RSU1: variants seen among roughly 807,000 people sequenced by gnomAD.
The protein encoded by RSU1 is Ras suppressor protein 1.
Under a neutral mutation model 31.1 loss-of-function variants are expected in RSU1, and 26 were observed. The ratio of observed to expected loss-of-function variants is 0.84; its 90% CI spans 0.61 to 1.16. The LOEUF (loss-of-function observed/expected upper bound fraction) is 1.16, where lower values mean the gene tolerates loss of function less well. Ranked by LOEUF, RSU1 falls within the 50% of genes most tolerant of loss-of-function variation. RSU1 has a pLI of 0.00. For missense variants in RSU1, 320 were observed against 339.1 expected, an observed-to-expected ratio of 0.94 and a Z score of 0.44; for synonymous variants, 164 against 136.3, an observed-to-expected ratio of 1.20 and a Z score of -1.41.
intron 8 of RSU1, among the ~76,000 whole-genome samples, chr10:16,638,736 T>C (rs933214498): frequency 3.9e-5 from 6 of 152,194 alleles, no homozygotes; most frequent in African/African-American, 7.2e-5. Flanking sequence ...GCTTCTGAAA[T>C]GCGAGGAGGC....
chr10:16,771,484 T>G (rs557653932), intron 3 of RSU1, among the ~76,000 whole-genome samples: 4 of 152,318 alleles, frequency 2.6e-5, no homozygotes, highest in African/African-American at 7.2e-5. Context: ...CTAGACTAAT[T>G]ACATACATGC....
chr10:16,598,819 A>T (rs1313297366), intron 8 of RSU1, among the ~76,000 whole-genome samples: 5 of 152,196 alleles, frequency 3.3e-5, no homozygotes, highest in African/African-American at 4.8e-5. Flanking sequence ...GTGTTAGAGC[A>T]ATAGAGAACT....
At chr10:16,604,281 TC>T (rs546210810) in intron 8 of RSU1, among the ~76,000 whole-genome samples, 20 of 152,134 alleles carry the variant, frequency 1.3e-4, no homozygotes, top group African/African-American at 4.3e-4. Context: ...CAGCCTTAAC[TC>T]CCAGACCAGT....
At chr10:16,775,933 G>A (rs1306847066) in intron 3 of RSU1, among the ~76,000 whole-genome samples, 1 of 152,196 alleles carries the variant, frequency 6.6e-6, no homozygotes, top group Non-Finnish European at 1.5e-5. Flanking sequence ...ACAGCAAGTT[G>A]TTTTGATATT....
chr10:16,758,549 C>T (rs952560369), intron 4 of RSU1, among the ~76,000 whole-genome samples: 4 of 152,148 alleles, frequency 2.6e-5, no homozygotes, highest in African/African-American at 9.7e-5. Flanking sequence ...AGCTGCGTGA[C>T]CTTCACCAAG....
chr10:16,787,358 A>T (rs1837811674), intron 2 of RSU1, among the ~76,000 whole-genome samples: 1 of 151,790 alleles, frequency 6.6e-6, no homozygotes, highest in Non-Finnish European at 1.5e-5. Flanking sequence ...CCTGATACTA[A>T]ACTCCATGCC....
At chr10:16,683,754 T>A (rs1242977631) in intron 8 of RSU1, among the ~76,000 whole-genome samples, 1 of 152,146 alleles carries the variant, frequency 6.6e-6, no homozygotes, top group Admixed American at 6.5e-5. Flanking sequence ...CGCAGCTTGG[T>A]TTCATGCATT....
At position 16,717,411 on chromosome 10, in the gene RSU1, T is replaced by C. The variant is rs1003104053; in HGVS notation, c.599-22256A>G. Among the ~76,000 whole-genome samples the C allele has an allele frequency of 3.9e-5, 6 of 152,166 alleles. No individual in the cohort carries two copies. In the East Asian group the frequency reaches 9.6e-4, roughly 24 times the overall value. On this transcript the variant is annotated intron_variant, in intron 7 of 8. Coordinates refer to ENST00000345264, the MANE Select transcript of RSU1 (RefSeq NM_012425.4). The stretch of plus-strand genomic sequence containing the variant: ...TCATGCTAAAAATAAACCAATCCAA[T>C]AGTTTTTAGGTTATATATTAACAAT...
At position 16,659,126 on chromosome 10, in the gene RSU1, G is replaced by C. The variant is rs139307693; in HGVS notation, c.731+35897C>G. Reference sequence around the variant, plus strand: ...GATACTAATCGGCTGTCAGCAATGTGTGTGTTGCAGACCACTTTTCTCAGT... The same window carrying C: ...GATACTAATCGGCTGTCAGCAATGTCTGTGTTGCAGACCACTTTTCTCAGT... On this transcript the variant is annotated intron_variant, in intron 8 of 8. Transcript: ENST00000345264. Among the ~76,000 whole-genome samples, 57 of 152,276 alleles carry C rather than the reference G, an allele frequency of 3.7e-4. No individual in the cohort carries two copies. In the East Asian group the frequency reaches 8.5e-3, roughly 23 times the overall value.
At chr10:16,684,389 A>G (rs1256496280) in intron 8 of RSU1, among the ~76,000 whole-genome samples, 1 of 152,192 alleles carries the variant, frequency 6.6e-6, no homozygotes, top group Non-Finnish European at 1.5e-5. Flanking sequence ...AATTTTGGCA[A>G]GATAAAAAAA....
chr10:16,616,395 AC>A (rs976984144), intron 8 of RSU1, among the ~76,000 whole-genome samples: 39 of 143,762 alleles, frequency 2.7e-4, no homozygotes, highest in African/African-American at 1.0e-3. Flanking sequence ...AAAAAAAAAA[AC>A]CCCAGGACCA....
At chr10:16,600,269 C>G (rs921399988) in intron 8 of RSU1, among the ~76,000 whole-genome samples, 1 of 152,112 alleles carries the variant, frequency 6.6e-6, no homozygotes, top group Non-Finnish European at 1.5e-5. Flanking sequence ...GTGGGCGCTG[C>G]CCTGAGCTGC....
Position 16,592,397 on chromosome 10 carries a change from T to TATCA in RSU1, c.*993_*996dup, listed in dbSNP as rs1354532345. 2 of 152,352 alleles carry TATCA rather than the reference T, an allele frequency of 1.3e-5. No homozygotes were observed. The highest frequency in any genetic ancestry group is 1.9e-4 in the East Asian group (1 of 5,192). The allele number at this position is 152,352 out of a possible 1,614,324, so 9.4% of individuals were successfully genotyped here. A position where few individuals can be genotyped will look rare whatever the true frequency, so the allele number is the denominator to read the frequency against. On this transcript the variant is annotated 3_prime_UTR_variant, in exon 9 of 9. Transcript: ENST00000345264. ...ACTGTTGAAAAGAAGGAAAGCTGCCTATCACAGATGTTAAACAAACAATTG... is the reference window on the plus strand; with the variant it reads ...ACTGTTGAAAAGAAGGAAAGCTGCCTATCAATCACAGATGTTAAACAAACAATTG...
intron 2 of RSU1, among the ~76,000 whole-genome samples, chr10:16,801,191 G>A (rs1838149384): frequency 6.6e-6 from 1 of 151,706 alleles, no homozygotes; most frequent in Non-Finnish European, 1.5e-5. Context: ...TAACGGGATG[G>A]AGAAAGAGAT....
At chr10:16,623,875 G>C (rs930141703) in intron 8 of RSU1, among the ~76,000 whole-genome samples, 3 of 152,140 alleles carry the variant, frequency 2.0e-5, no homozygotes, top group African/African-American at 7.2e-5. Flanking sequence ...GAATTCAGTG[G>C]ATATTAATAC....
intron 7 of RSU1, among the ~76,000 whole-genome samples, chr10:16,706,317 A>G (rs1344617516): frequency 6.6e-6 from 1 of 152,172 alleles, no homozygotes; most frequent in Non-Finnish European, 1.5e-5. Context: ...ATTATATAGC[A>G]TTGTAGTTTT....
chr10:16,728,539 C>G (rs2131597747), intron 7 of RSU1, among the ~76,000 whole-genome samples: 1 of 152,290 alleles, frequency 6.6e-6, no homozygotes, highest in African/African-American at 2.4e-5. Flanking sequence ...CGCAACGGAA[C>G]TATGAGGTTC....
intron 8 of RSU1, among the ~76,000 whole-genome samples, chr10:16,637,567 A>G (rs1286019257): frequency 6.6e-6 from 1 of 151,992 alleles, no homozygotes; most frequent in Non-Finnish European, 1.5e-5. Context: ...TGATCTGTGT[A>G]AGACACAAGA....
At chr10:16,684,219 A>T (rs1369885354) in intron 8 of RSU1, among the ~76,000 whole-genome samples, 2 of 152,222 alleles carry the variant, frequency 1.3e-5, no homozygotes, top group East Asian at 1.9e-4. Flanking sequence ...TATAGCAAAG[A>T]AACATGTTTT....
Sources: allele counts gnomAD v4.1 joint callset (sites outside exome capture counted in the v4.1 genomes callset), GRCh38; gene constraint gnomAD v4.1.1; transcripts MANE v1.5; gene names NCBI Gene and HGNC (gene_info 2026-07-23, HGNC 2026-07-21).